The following CERS4 variants were observed in gnomAD, a reference collection of about 807,000 sequenced individuals.
CERS4 encodes LAG1 homolog, ceramide synthase 4.
A neutral mutation model predicts 51.8 loss-of-function variants in CERS4; 65 were observed. That is an observed-to-expected ratio of 1.26 (90% CI 1.03 to 1.54). The LOEUF is 1.54. Ranked by LOEUF, CERS4 falls within the 40% of genes most tolerant of loss-of-function variation. The pLI, the probability that CERS4 is intolerant of heterozygous loss-of-function variation, is 0.00. For missense variants in CERS4, 563 were observed against 500.4 expected (o/e 1.13, Z -1.19); for synonymous variants, 228 against 208.4 (o/e 1.09, Z -0.81).
intron 9 of CERS4, among the ~76,000 whole-genome samples, chr19:8,257,444 T>A (rs1969456790): frequency 6.6e-6 from 1 of 152,188 alleles, no homozygotes; most frequent in Admixed American, 6.5e-5. Context: ...ATTCACATTT[T>A]TTTTTTTGAG....
intron 2 of CERS4, chr19:8,240,584 A>ATGTGTGTGTGTGTGTGTG (rs1568518857): frequency 2.7e-5 from 1 of 37,664 alleles, no homozygotes; most frequent in Admixed American, 2.4e-4. Flanking sequence ...CAATGTATGC[A>ATGTGTGTGTGTGTGTGTG]AGTGTGTGTG....
intron 2 of CERS4, among the ~76,000 whole-genome samples, chr19:8,230,785 A>C (rs570460286): frequency 2.0e-5 from 3 of 152,032 alleles, no homozygotes; most frequent in African/African-American, 7.3e-5. Flanking sequence ...TGAATTTTTA[A>C]ATTTCAGATT....
At chr19:8,234,761 C>A (rs560049420) in intron 2 of CERS4, among the ~76,000 whole-genome samples, 8 of 151,302 alleles carry the variant, frequency 5.3e-5, no homozygotes, top group Non-Finnish European at 2.9e-5. Flanking sequence ...ACCTTGTTAG[C>A]CAGGCTGGTC....
At chr19:8,211,629 C>T (rs567769670) in intron 2 of CERS4, among the ~76,000 whole-genome samples, 35 of 152,092 alleles carry the variant, frequency 2.3e-4, no homozygotes, top group African/African-American at 8.4e-4. Flanking sequence ...TGGTGGCTCA[C>T]GCCTGTAATC....
intron 2 of CERS4, among the ~76,000 whole-genome samples, chr19:8,236,933 G>A (rs1169889357): frequency 1.5e-5 from 2 of 130,636 alleles, no homozygotes; most frequent in Non-Finnish European, 3.1e-5. Context: ...AACCAGAGAG[G>A]TAGAGGTTGC....
intron 2 of CERS4, among the ~76,000 whole-genome samples, chr19:8,248,506 G>A (rs764645358): frequency 5.3e-5 from 8 of 152,080 alleles, no homozygotes; most frequent in Non-Finnish European, 1.0e-4. Context: ...ATGATGGGTA[G>A]ATGGACAGAT....
chr19:8,262,410 A>C lies in CERS4; in HGVS notation c.*301A>C. The C allele has an allele frequency of 3.2e-6, 1 of 316,454 alleles. No individual in the cohort carries two copies. Among genetic ancestry groups the C allele is most frequent in the Non-Finnish European group, 5.8e-6 (1 of 173,506 alleles). 19.6% of individuals were successfully genotyped at this position (316,454 alleles called of 1,614,324 possible). ...GGCTGAAAAGGGTCCAATTAAAACA[A>C]ATGGAGCCAAATTTTCTGCCTGAGA... is the stretch of plus-strand genomic sequence containing the variant. On this transcript the variant is annotated 3_prime_UTR_variant, in exon 12 of 12. Transcript: ENST00000251363.
chr19:8,244,967 AC>A (rs1313287267), intron 2 of CERS4, among the ~76,000 whole-genome samples: 1 of 151,962 alleles, frequency 6.6e-6, no homozygotes, highest in Non-Finnish European at 1.5e-5. Flanking sequence ...ACATGGTGAA[AC>A]CCTGTCTCTA....
At chr19:8,254,155 T>C (rs576569876) in intron 3 of CERS4, among the ~76,000 whole-genome samples, 2 of 151,362 alleles carry the variant, frequency 1.3e-5, no homozygotes, top group South Asian at 4.2e-4. Flanking sequence ...ACCCCGTCTC[T>C]ACTAAAAAAT....
intron 2 of CERS4, among the ~76,000 whole-genome samples, chr19:8,221,054 T>A (rs1001136223): frequency 2.0e-5 from 3 of 151,268 alleles, no homozygotes; most frequent in Non-Finnish European, 4.4e-5. Flanking sequence ...CTCGATCTCC[T>A]GACCTTGTGA....
At chr19:8,238,338 A>C (rs1968366872) in intron 2 of CERS4, among the ~76,000 whole-genome samples, 1 of 152,038 alleles carries the variant, frequency 6.6e-6, no homozygotes, top group Non-Finnish European at 1.5e-5. Flanking sequence ...TAGGAAGAGC[A>C]GGGGAGGCCT....
rs747924084 is a variant in CERS4, at chr19:8,257,020, G to A, written c.684G>A (p.Leu228=). The A allele has an allele frequency of 3.7e-6, 6 of 1,613,618 alleles. No individual in the cohort carries two copies. In the South Asian group the frequency reaches 6.6e-5, roughly 18 times the overall value. The change falls in exon 9 of 12, where the codon CTG becomes CTA. Residue 228 remains leucine (L), a synonymous_variant. Transcript: ENST00000251363. ...ILMTFSYSAN[L]LRIGSLVLLL... The stretch of plus-strand genomic sequence containing the variant: ...TGACCTTCTCCTACAGTGCCAACCT[G>A]CTGCGCATTGGCTCTCTGGTGCTGC...
intron 7 of CERS4, 98 bp downstream of exon 7, chr19:8,256,384 T>C: frequency 1.5e-6 from 2 of 1,365,274 alleles, no homozygotes; most frequent in Non-Finnish European, 2.1e-6. Context: ...CACTACACTG[T>C]CATTCCCCAC....
intron 2 of CERS4, among the ~76,000 whole-genome samples, chr19:8,221,660 C>T (rs1421990307): frequency 1.3e-5 from 2 of 150,610 alleles, no homozygotes; most frequent in Non-Finnish European, 3.0e-5. Context: ...ATTCTCCTGC[C>T]TCGGCCTCCC....
In CERS4 at chr19:8,255,645, G is replaced by A. The variant is rs140285977; in HGVS notation, c.330G>A (p.Thr110=). ...LSLLAAQCGL[T]LQQTQRWFRR... ...TCCTGGCCGCCCAGTGTGGCCTCAC[G>A]CTGCAGCAGACCCAGCGATGGTTCC... Residue 110 remains threonine (T), a synonymous_variant, in exon 5 of 12, where the codon ACG becomes ACA. Transcript: ENST00000251363. 1.6e-4 allele frequency: 261 copies of A among 1,612,972 alleles called. No individual in the cohort carries two copies. The African/African-American group carries it at 3.0e-3, about 18-fold the overall frequency.
intron 2 of CERS4, among the ~76,000 whole-genome samples, chr19:8,245,122 A>AACAAAAAAAC (rs1555777238): frequency 7.7e-6 from 1 of 129,254 alleles, no homozygotes; most frequent in Non-Finnish European, 1.6e-5. Flanking sequence ...AAAAAAAAAA[A>AACAAAAAAAC]AAAAAAAAAA....
chr19:8,260,764 A>C (rs1273135337), intron 10 of CERS4, among the ~76,000 whole-genome samples: 1 of 151,432 alleles, frequency 6.6e-6, no homozygotes, highest in Non-Finnish European at 1.5e-5. Context: ...AGCCTGGCCA[A>C]CATGGCAAAA....
intron 2 of CERS4, among the ~76,000 whole-genome samples, chr19:8,214,879 G>A (rs1967225417): frequency 2.0e-5 from 3 of 151,474 alleles, no homozygotes; most frequent in South Asian, 4.2e-4. Context: ...GGAAGCAGAG[G>A]AGATGAAGGG....
At chr19:8,211,960 A>T (rs932456490) in intron 2 of CERS4, among the ~76,000 whole-genome samples, 1 of 150,748 alleles carries the variant, frequency 6.6e-6, no homozygotes, top group Admixed American at 6.6e-5. Flanking sequence ...GAGTCACCTG[A>T]CTCAGCCTAA....
Sources: gnomAD v4.1 joint callset for allele counts (sites outside exome capture counted in the v4.1 genomes callset) on GRCh38, gnomAD v4.1.1 for gene constraint, MANE v1.5 for transcripts, NCBI Gene and HGNC (gene_info 2026-07-23, HGNC 2026-07-21) for gene names.